XKRX: variants seen among roughly 807,000 people sequenced by gnomAD.
XKRX encodes the protein XK related X-linked.
In XKRX, 11 loss-of-function variants were observed where a neutral mutation model predicts 22.4. That is an observed-to-expected ratio of 0.49 (90% confidence interval 0.31 to 0.81). The LOEUF is 0.81. Among genes scored for constraint, XKRX ranks in the 40% least tolerant of loss-of-function variants. The pLI, the probability that XKRX is intolerant of heterozygous loss-of-function variation, is 0.05. For missense variants in XKRX, 320 were observed against 336.5 expected, an observed-to-expected ratio of 0.95 and a Z score of 0.38; for synonymous variants, 114 against 132.2, an observed-to-expected ratio of 0.86 and a Z score of 0.94.
chrX:100,908,717 G>A (rs2085396847), downstream of XKRX, among the ~76,000 whole-genome samples: 1 of 111,894 alleles, frequency 8.9e-6, no homozygotes, highest in South Asian at 3.7e-4. Flanking sequence ...AGAGTCAGCT[G>A]ATTATGTACT....
At chrX:100,901,160 G>A in the XKRX span, among the ~76,000 whole-genome samples, 1 of 111,243 alleles carries the variant, frequency 9.0e-6, no homozygotes, top group Non-Finnish European at 1.9e-5. Flanking sequence ...ATTGGTTTGT[G>A]TGTATGTATC....
At chrX:100,944,014 A>G in the XKRX span, among the ~76,000 whole-genome samples, 1 of 112,054 alleles carries the variant, frequency 8.9e-6, no homozygotes, top group African/African-American at 3.2e-5. Context: ...ACTGCCAAAT[A>G]GCTTTTCAGA....
the XKRX span, among the ~76,000 whole-genome samples, chrX:100,936,613 C>A: frequency 3.9e-5 from 4 of 102,556 alleles, no homozygotes; most frequent in African/African-American, 1.4e-4. Flanking sequence ...GGAAGGAAGG[C>A]AGGCAGGCCG....
the XKRX span, among the ~76,000 whole-genome samples, chrX:100,900,801 T>G: frequency 9.7e-6 from 1 of 102,865 alleles, no homozygotes; most frequent in Non-Finnish European, 2.0e-5. Flanking sequence ...TTTTTTTTTT[T>G]TTTTTTGAGA....
At chrX:100,923,165 T>C (rs1443398210) in intron 1 of XKRX, 104 bp from the exon 2 acceptor site, 1 of 1,004,728 alleles carries the variant, frequency 1.0e-6, no homozygotes, top group Non-Finnish European at 1.4e-6. Context: ...CTTTATTTTA[T>C]TTTTGAGACA....
chrX:100,905,490 T>C, the XKRX span, among the ~76,000 whole-genome samples: 11 of 112,560 alleles, frequency 9.8e-5, no homozygotes, highest in Non-Finnish European at 1.7e-4. Flanking sequence ...ATTACAAATA[T>C]CGTGTAAATT....
chrX:100,892,094 C>A, the XKRX span, among the ~76,000 whole-genome samples: 1 of 111,500 alleles, frequency 9.0e-6, no homozygotes, highest in Non-Finnish European at 1.9e-5. Context: ...CAAAGAGAGA[C>A]AATCTACAGA....
chrX:100,933,478 T>TAA (rs368739515), upstream of XKRX, among the ~76,000 whole-genome samples: 928 of 50,369 alleles, frequency 0.018, 19 homozygotes, highest in African/African-American at 0.056. Flanking sequence ...AGATTCCGTC[T>TAA]AAAAAAAAAA....
chrX:100,952,433 C>T, the XKRX span, among the ~76,000 whole-genome samples: 2 of 110,113 alleles, frequency 1.8e-5, no homozygotes, highest in African/African-American at 6.6e-5. Context: ...AATGCTTTCT[C>T]CAAAGATCAG....
In XKRX at chrX:100,914,957, G is replaced by T. The variant is rs1326869888; in HGVS notation, c.731C>A (p.Thr244Asn). 1 of 1,210,104 alleles carries T rather than the reference G, an allele frequency of 8.3e-7. No individual in the cohort carries two copies. Among genetic ancestry groups the T allele is most frequent in the African/African-American group, 1.7e-5 (1 of 57,181 alleles). Residue 244 changes from threonine to asparagine, a missense_variant, in exon 3 of 3, where the codon ACC (threonine) becomes AAC (asparagine). Coordinates refer to ENST00000372956, the MANE Select transcript of XKRX (RefSeq NM_212559.3). ...AGTGATCTCCAATGTCCGCCAGATG[G>T]TGATGCAGAGGACTTCTAGTGGCCC... is the stretch of plus-strand genomic sequence containing the variant. ...RLGPLEVLCI[T>N]IWRTLEITSR...
chrX:100,903,864 A>C, the XKRX span, among the ~76,000 whole-genome samples: 1 of 112,303 alleles, frequency 8.9e-6, no homozygotes, highest in South Asian at 3.7e-4. Context: ...GAAATAGTCC[A>C]TGTTCATGGA....
chrX:100,902,810 G>A, the XKRX span, among the ~76,000 whole-genome samples: 2 of 109,345 alleles, frequency 1.8e-5, no homozygotes, highest in Admixed American at 2.0e-4. Context: ...GAGTGCAGTG[G>A]CGTGATCTCG....
chrX:100,901,022 C>T, the XKRX span, among the ~76,000 whole-genome samples: 1 of 110,580 alleles, frequency 9.0e-6, no homozygotes, highest in South Asian at 3.9e-4. Context: ...GATCTCCTGA[C>T]CTCGTGATCT....
At chrX:100,951,809 T>C in the XKRX span, among the ~76,000 whole-genome samples, 3 of 111,687 alleles carry the variant, frequency 2.7e-5, no homozygotes, top group African/African-American at 9.7e-5. Context: ...AATAGACCAA[T>C]TTCTCAAAAA....
the XKRX span, among the ~76,000 whole-genome samples, chrX:100,899,611 A>G: frequency 6.2e-5 from 7 of 112,699 alleles, no homozygotes; most frequent in Non-Finnish European, 1.3e-4. Context: ...GGAAACTTCT[A>G]AAGAATCCAC....
At chrX:100,936,876 C>G in the XKRX span, among the ~76,000 whole-genome samples, 1 of 109,678 alleles carries the variant, frequency 9.1e-6, no homozygotes, top group Non-Finnish European at 1.9e-5. Flanking sequence ...CCCCCCACCC[C>G]CCACACGTGG....
chrX:100,956,733 T>C, the XKRX span: 1 of 556,512 alleles, frequency 1.8e-6, no homozygotes, highest in Non-Finnish European at 3.3e-6. Flanking sequence ...TTATTATTAA[T>C]ATCATTATGC....
At chrX:100,890,344 T>C in the XKRX span, among the ~76,000 whole-genome samples, 1 of 110,699 alleles carries the variant, frequency 9.0e-6, no homozygotes, top group Non-Finnish European at 1.9e-5. Flanking sequence ...ACACATACAG[T>C]TATTAGCAAT....
chrX:100,923,070 G>A lies in XKRX; in HGVS notation c.336-9C>T. On this transcript the variant is annotated splice_polypyrimidine_tract_variant and intron_variant, in intron 1 of 2. Coordinates refer to ENST00000372956, the MANE Select transcript of XKRX (RefSeq NM_212559.3). ...TCATGGCCTCCAAACATCTGCAGAA[G>A]TAAAGCATCATGCAAACTTAACTAA... 8.3e-7 allele frequency: 1 copy of A among 1,210,363 alleles called. No individual in the cohort carries two copies. The highest frequency in any genetic ancestry group is 1.1e-6 in the Non-Finnish European group (1 of 894,458).
Sources: allele counts gnomAD v4.1 joint callset (sites outside exome capture counted in the v4.1 genomes callset), GRCh38; gene constraint gnomAD v4.1.1; transcripts MANE v1.5; gene names NCBI Gene and HGNC (gene_info 2026-07-23, HGNC 2026-07-21).